The following CCPG1 variants were observed in gnomAD, a reference collection of about 807,000 sequenced individuals.
The protein encoded by CCPG1 is cell cycle progression 1, also known as cell cycle progression protein 1.
A neutral mutation model predicts 81.3 loss-of-function variants in CCPG1; 46 were observed. That is an observed-to-expected ratio of 0.57 (90% CI 0.45 to 0.72). The LOEUF (loss-of-function observed/expected upper bound fraction) is 0.72. CCPG1 is among the 30% of genes least tolerant of loss of function. The probability of loss-of-function intolerance (pLI) is 0.00; values close to 1 mark genes in which losing one functional copy is unlikely to be tolerated. For synonymous variants in CCPG1, 330 were observed against 305.2 expected, an observed-to-expected ratio of 1.08 and a Z score of -0.85; for missense variants, 902 against 937.6, an observed-to-expected ratio of 0.96 and a Z score of 0.50.
chr15:55,371,704 G>A (rs2056452953), intron 6 of CCPG1, 89 bp downstream of exon 6: 2 of 1,294,476 alleles, frequency 1.5e-6, no homozygotes, highest in Admixed American at 4.6e-5. Flanking sequence ...TTTAATAATG[G>A]CACTGAAAAC....
intron 2 of CCPG1, among the ~76,000 whole-genome samples, chr15:55,387,845 T>TGGTGTTTTTA (rs774222252): frequency 1.5e-5 from 2 of 137,492 alleles, no homozygotes; most frequent in Non-Finnish European, 3.2e-5. Flanking sequence ...ACGCCCGGCC[T>TGGTGTTTTTA]ATAATTTTTA....
At chr15:55,365,446 T>G in intron 6 of CCPG1, 137 bp from the exon 7 acceptor site, 2 of 601,358 alleles carry the variant, frequency 3.3e-6, no homozygotes, top group Non-Finnish European at 5.6e-6. Flanking sequence ...TTTTTTTGTT[T>G]TTTGAGAAGA....
chr15:55,401,006 T>G (rs9920450), intron 1 of CCPG1, among the ~76,000 whole-genome samples: 2 of 151,932 alleles, frequency 1.3e-5, no homozygotes, highest in Non-Finnish European at 2.9e-5. Context: ...TATCTAGATT[T>G]TGTATCTTGT....
chr15:55,358,410 A>G, intron 8 of CCPG1: 1 of 985,422 alleles, frequency 1.0e-6, no homozygotes, highest in Non-Finnish European at 1.2e-6. Flanking sequence ...CGCCTTGAAA[A>G]TTCTTCAGAA....
intron 5 of CCPG1, chr15:55,372,252 AG>A: frequency 1.7e-6 from 1 of 589,276 alleles, no homozygotes; most frequent in Admixed American, 3.0e-5. Flanking sequence ...GTGATACACA[AG>A]AATCTGTTAA....
chr15:55,407,561 C>T (rs2057260992), intron 1 of CCPG1, among the ~76,000 whole-genome samples: 1 of 152,208 alleles, frequency 6.6e-6, no homozygotes, highest in Non-Finnish European at 1.5e-5. Context: ...AAATACCTTA[C>T]TTGGCGCTCC....
chr15:55,363,367 AC>A (rs201531217), intron 7 of CCPG1, among the ~76,000 whole-genome samples: 6 of 147,876 alleles, frequency 4.1e-5, no homozygotes, highest in South Asian at 2.2e-4. Flanking sequence ...AACAAACAAA[AC>A]AAAAAAAAAA....
rs2056175854 is a variant in CCPG1 at position 55,360,743 on chromosome 15, T to C, written c.1030A>G (p.Ser344Gly). 1.2e-6 allele frequency: 2 copies of C among 1,612,046 alleles called. No individual in the cohort carries two copies. The highest frequency in any genetic ancestry group is 1.3e-5 in the African/African-American group (1 of 74,774). The change falls in exon 8 of 9, where the codon AGT becomes GGT. Residue 344 changes from serine to glycine, a missense_variant. Physicochemically the swap from Ser to Gly is moderately conservative, Grantham distance 56. Transcript: ENST00000442196. ...QIRILEDKGT[S>G]TELVKENQKL... ...TGATTTTCTTTAACTAATTCAGTAC[T>C]TGTCCCTTTATCTTCCAATATTCTA...
chr15:55,399,417 C>CAAAAAAAAAAAAA (rs56191750), intron 1 of CCPG1, among the ~76,000 whole-genome samples: 49 of 62,962 alleles, frequency 7.8e-4, no homozygotes, highest in African/African-American at 1.5e-3. Context: ...ACTAAAAATA[C>CAAAAAAAAAAAAA]AAAAAAAAAA....
chr15:55,393,479 A>C (rs1466426171), intron 1 of CCPG1, among the ~76,000 whole-genome samples: 2 of 152,198 alleles, frequency 1.3e-5, no homozygotes, highest in Non-Finnish European at 2.9e-5. Flanking sequence ...GCAACTCAAC[A>C]ACCCTAGACC....
intron 5 of CCPG1, among the ~76,000 whole-genome samples, chr15:55,376,125 C>T (rs1595839580): frequency 1.3e-5 from 2 of 152,170 alleles, no homozygotes; most frequent in African/African-American, 2.4e-5. Context: ...CTACCTGTTT[C>T]CTGTTTCTTC....
chr15:55,356,244 T>G lies in CCPG1; in HGVS notation c.2400A>C (p.Gln800His), dbSNP rs2141234445. The G allele has an allele frequency of 6.5e-7, 1 of 1,534,326 alleles. No homozygotes were observed. Among genetic ancestry groups the G allele is most frequent in the Admixed American group, 2.0e-5 (1 of 50,522 alleles). The change falls in exon 9 of 9, where the codon CAA (glutamine) becomes CAC (histidine). Residue 800 changes from glutamine to histidine, a missense_variant. By Grantham distance (24) the Gln-to-His change is conservative. Coordinates refer to ENST00000442196, the MANE Select transcript of CCPG1 (RefSeq NM_001204450.2). The part of the protein sequence containing the change: ...QMANLEIELG[Q>H]LPFDPQY Reference sequence around the variant, plus strand: ...ATCAGTATTGAGGATCAAAAGGTAATTGCCCCAATTCTATTTCAAGATTTG... The same window carrying G: ...ATCAGTATTGAGGATCAAAAGGTAAGTGCCCCAATTCTATTTCAAGATTTG...
Position 55,355,640 on chromosome 15 carries a change from T to G in CCPG1, c.*580A>C. On this transcript the variant is annotated 3_prime_UTR_variant, in exon 9 of 9. Transcript: ENST00000442196. ...CCAGATTTTAAATAAAGACCTTTAG[T>G]TTTCCTCATGGTGTAGTTTTATTGT... 1 of 386,752 alleles carries G rather than the reference T, an allele frequency of 2.6e-6. No individual in the cohort carries two copies. The highest frequency in any genetic ancestry group is 4.2e-5 in the East Asian group (1 of 23,870). The allele number at this position is 386,752 out of a possible 1,614,324, so 24.0% of individuals were successfully genotyped here.
chr15:55,365,289 G>C lies in CCPG1; in HGVS notation c.727C>G (p.Arg243Gly). The C allele has an allele frequency of 6.5e-7, 1 of 1,534,704 alleles. No individual in the cohort carries two copies. Among genetic ancestry groups the C allele is most frequent in the East Asian group, 2.3e-5 (1 of 44,096 alleles). ...TGTATCTTTCTGACTAACTGTTGAC[G>C]CTTCTGAATCTGAATTGTGCCTAAA... ...HFYGTIQIQK[R>G]QQLVRKIHED... is the part of the protein sequence containing the mutation. Residue 243 changes from arginine to glycine, a missense_variant, in exon 7 of 9, where the codon CGT becomes GGT. Coordinates refer to ENST00000442196, the MANE Select transcript of CCPG1 (RefSeq NM_001204450.2).
intron 7 of CCPG1, 76 bp from the exon 8 acceptor site, chr15:55,361,020 T>A: frequency 2.9e-6 from 4 of 1,391,574 alleles, no homozygotes; most frequent in Non-Finnish European, 3.8e-6. Flanking sequence ...CAAGATATAA[T>A]ACCCCATAAG....
At chr15:55,385,242 T>C (rs1047592458) in intron 3 of CCPG1, among the ~76,000 whole-genome samples, 2 of 152,218 alleles carry the variant, frequency 1.3e-5, no homozygotes, top group African/African-American at 4.8e-5. Context: ...CTCGGCTCAC[T>C]GCAAACTCCG....
rs2056166642 is a variant in CCPG1 at position 55,360,381 on chromosome 15, T to C, written c.1392A>G (p.Thr464=). ...EAKDQNGKQG[T]DGKKKGGRGS... is the part of the protein sequence containing the mutation. ...CTCTGCCCCCTTTCTTTTTTCCATC[T>C]GTTCCTTGTTTTCCATTTTGATCTT... The change falls in exon 8 of 9, where the codon ACA becomes ACG. Residue 464 remains threonine, a synonymous_variant. Coordinates refer to ENST00000442196, the MANE Select transcript of CCPG1 (RefSeq NM_001204450.2). The C allele has an allele frequency of 2.5e-6, 4 of 1,613,882 alleles. No individual in the cohort carries two copies. In the African/African-American group the frequency reaches 4.0e-5, roughly 16 times the overall value.
intron 2 of CCPG1, 86 bp from the exon 3 acceptor site, chr15:55,385,800 T>A (rs2056787280): frequency 4.0e-6 from 3 of 741,186 alleles, no homozygotes; most frequent in Non-Finnish European, 7.3e-6. Context: ...TCTTCCATTA[T>A]TAAAAGTCTC....
chr15:55,363,517 C>G (rs1459609184), intron 7 of CCPG1, among the ~76,000 whole-genome samples: 1 of 150,488 alleles, frequency 6.6e-6, no homozygotes, highest in Non-Finnish European at 1.5e-5. Context: ...GTAGGAAAAA[C>G]TGAACTATTT....
Sources: gnomAD v4.1 joint callset for allele counts (sites outside exome capture counted in the v4.1 genomes callset) on GRCh38, gnomAD v4.1.1 for gene constraint, MANE v1.5 for transcripts, NCBI Gene and HGNC (gene_info 2026-07-23, HGNC 2026-07-21) for gene names.